The following MAGI2 variants were observed in gnomAD, a reference collection of about 807,000 sequenced individuals.
MAGI2 encodes membrane-associated guanylate kinase, WW and PDZ domain-containing protein 2.
MAGI2 carries 35 observed loss-of-function variants against 133.3 expected under a neutral mutation model. The observed-to-expected ratio is 0.26, with a 90% CI of 0.20 to 0.35. MAGI2 has a LOEUF of 0.35. Ranked by LOEUF, MAGI2 falls within the 10% of genes least tolerant of loss-of-function variation. The pLI is 1.00. For synonymous variants in MAGI2, 729 were observed against 710.6 expected (o/e 1.03, Z -0.41); for missense variants, 1,636 against 1,863.4 (o/e 0.88, Z 2.25).
chr7:78,449,302 C>T (rs942210412), intron 6 of MAGI2, among the ~76,000 whole-genome samples: 7 of 151,948 alleles, frequency 4.6e-5, no homozygotes, highest in Non-Finnish European at 8.8e-5. Context: ...AATACACTAC[C>T]GTCAGGATTT....
intron 2 of MAGI2, among the ~76,000 whole-genome samples, chr7:78,780,341 T>G (rs1332052777): frequency 6.8e-6 from 1 of 147,772 alleles, no homozygotes; most frequent in Non-Finnish European, 1.5e-5. Flanking sequence ...ATGTGTAGAT[T>G]TGTGTGTGTT....
intron 4 of MAGI2, among the ~76,000 whole-genome samples, chr7:78,519,696 G>A (rs1796336373): frequency 6.6e-6 from 1 of 152,154 alleles, no homozygotes; most frequent in African/African-American, 2.4e-5. Context: ...CAAGTTTCTA[G>A]TTTAAAAGTC....
chr7:79,286,086 GGAA>G (rs1835977104), intron 1 of MAGI2, among the ~76,000 whole-genome samples: 2 of 151,998 alleles, frequency 1.3e-5, no homozygotes, highest in South Asian at 2.1e-4. Context: ...TGGAATGAGG[GGAA>G]GAAGAGTAAG....
intron 20 of MAGI2, among the ~76,000 whole-genome samples, chr7:78,117,067 G>T (rs1312752077): frequency 1.3e-5 from 2 of 149,662 alleles, no homozygotes; most frequent in East Asian, 3.9e-4. Context: ...ACTAGATCTG[G>T]ATGAGTTTGC....
At chr7:78,051,590 G>A (rs1356748108) in intron 21 of MAGI2, among the ~76,000 whole-genome samples, 1 of 152,046 alleles carries the variant, frequency 6.6e-6, no homozygotes, top group African/African-American at 2.4e-5. Context: ...CTATAGTTTG[G>A]AGATACATAT....
chr7:78,238,437 A>T lies in MAGI2; in HGVS notation c.2047+17506T>A, dbSNP rs117471743. ...TGTAGTCCTCTGGGTGTGGTGGTAC[A>T]TGCCCGTAGTACCAGCTACTGGGGA... On this transcript the variant is annotated intron_variant, in intron 10 of 21. Coordinates refer to ENST00000354212, the MANE Select transcript of MAGI2 (RefSeq NM_012301.4). Among the ~76,000 whole-genome samples the T allele has an allele frequency of 4.1e-3, 629 of 152,142 alleles. 3 individuals are homozygous for T. The highest frequency in any genetic ancestry group is 7.1e-3 in the Non-Finnish European group (485 of 67,998).
chr7:78,594,419 C>T (rs892712121), intron 3 of MAGI2, among the ~76,000 whole-genome samples: 6 of 152,108 alleles, frequency 3.9e-5, no homozygotes, highest in South Asian at 2.1e-4. Flanking sequence ...AGGCTTTTTC[C>T]GGGCCTTGAA....
intron 15 of MAGI2, 39 bp from the exon 16 acceptor site, chr7:78,160,312 C>A: frequency 6.5e-7 from 1 of 1,527,762 alleles, no homozygotes; most frequent in Non-Finnish European, 8.8e-7. Context: ...AATTACCTTA[C>A]AAGGGTCTCA....
intron 2 of MAGI2, among the ~76,000 whole-genome samples, chr7:78,871,287 G>C (rs529934067): frequency 2.0e-5 from 3 of 152,112 alleles, no homozygotes; most frequent in African/African-American, 7.2e-5. Context: ...CTCAGCCTGG[G>C]GGACAGAGCG....
At chr7:78,994,518 C>T (rs1277728956) in intron 2 of MAGI2, among the ~76,000 whole-genome samples, 2 of 152,056 alleles carry the variant, frequency 1.3e-5, no homozygotes, top group Non-Finnish European at 2.9e-5. Context: ...TATAGATACA[C>T]GTTCATGTAG....
intron 2 of MAGI2, among the ~76,000 whole-genome samples, chr7:78,798,389 A>G (rs919625993): frequency 2.0e-5 from 3 of 152,154 alleles, no homozygotes; most frequent in Non-Finnish European, 4.4e-5. Flanking sequence ...GGCAACCACA[A>G]AATTAAGCCA....
intron 1 of MAGI2, among the ~76,000 whole-genome samples, chr7:79,260,883 G>A (rs763655588): frequency 3.3e-5 from 5 of 152,088 alleles, no homozygotes; most frequent in African/African-American, 4.8e-5. Flanking sequence ...AAGCATTTCC[G>A]ATAAGAAATA....
At chr7:78,978,856 T>C (rs1804529695) in intron 2 of MAGI2, among the ~76,000 whole-genome samples, 1 of 151,806 alleles carries the variant, frequency 6.6e-6, no homozygotes, top group South Asian at 2.1e-4. Context: ...GTTGATAATA[T>C]TGTTATTCAT....
chr7:78,724,305 T>C (rs956891371), intron 2 of MAGI2, among the ~76,000 whole-genome samples: 7 of 152,172 alleles, frequency 4.6e-5, no homozygotes, highest in African/African-American at 1.7e-4. Flanking sequence ...GCTTATATTC[T>C]GTGTAGACTA....
At chr7:78,072,651 T>C (rs907256365) in intron 21 of MAGI2, 1 of 355,980 alleles carries the variant, frequency 2.8e-6, no homozygotes, top group Non-Finnish European at 5.0e-6. Flanking sequence ...AAAAAGATTA[T>C]AATGGCATAC....
chr7:78,989,139 T>G (rs1029066503), intron 2 of MAGI2, among the ~76,000 whole-genome samples: 1 of 152,068 alleles, frequency 6.6e-6, no homozygotes, highest in African/African-American at 2.4e-5. Context: ...ACATCTAGAT[T>G]AATTACATCA....
intron 1 of MAGI2, among the ~76,000 whole-genome samples, chr7:79,263,614 A>G (rs1020961013): frequency 1.3e-5 from 2 of 152,190 alleles, no homozygotes; most frequent in African/African-American, 4.8e-5. Context: ...TTATCCTGCA[A>G]TCATGAGACT....
intron 21 of MAGI2, among the ~76,000 whole-genome samples, chr7:78,067,056 T>G (rs985349548): frequency 3.9e-5 from 6 of 152,328 alleles, no homozygotes; most frequent in South Asian, 4.1e-4. Context: ...GGCGGAGCCC[T>G]AACACCTCGA....
At chr7:79,002,468 A>ACATG (rs1011785012) in intron 2 of MAGI2, among the ~76,000 whole-genome samples, 6 of 152,150 alleles carry the variant, frequency 3.9e-5, no homozygotes, top group Non-Finnish European at 7.4e-5. Flanking sequence ...ATGAGCATAC[A>ACATG]CATGCATGCA....
Sources: gnomAD v4.1 joint callset for allele counts (sites outside exome capture counted in the v4.1 genomes callset) on GRCh38, gnomAD v4.1.1 for gene constraint, MANE v1.5 for transcripts, NCBI Gene and HGNC (gene_info 2026-07-23, HGNC 2026-07-21) for gene names.